Variants in ASIC2 observed in about 807,000 individuals in gnomAD.
ASIC2 encodes the protein acid-sensing ion channel 2.
A neutral mutation model predicts 57.3 loss-of-function variants in ASIC2; 25 were observed. The ratio of observed to expected loss-of-function variants is 0.44; its 90% CI spans 0.32 to 0.61. ASIC2 has a LOEUF of 0.61. Ranked by LOEUF, ASIC2 falls within the 20% of genes least tolerant of loss-of-function variation. ASIC2 has a pLI of 0.06. For synonymous variants in ASIC2, 319 were observed against 307.5 expected, an observed-to-expected ratio of 1.04 and a Z score of -0.39; for missense variants, 641 against 738.1, an observed-to-expected ratio of 0.87 and a Z score of 1.52.
chr17:33,302,514 A>AG (rs1191171893), intron 1 of ASIC2, among the ~76,000 whole-genome samples: 2 of 152,068 alleles, frequency 1.3e-5, no homozygotes, highest in African/African-American at 2.4e-5. Flanking sequence ...AGTGGCTTAG[A>AG]GATTTAAGGC....
chr17:33,406,639 G>C (rs749720475), intron 1 of ASIC2, among the ~76,000 whole-genome samples: 1 of 152,238 alleles, frequency 6.6e-6, no homozygotes, highest in Admixed American at 6.5e-5. Context: ...GGATTAAATA[G>C]ATTAAAATGT....
intron 1 of ASIC2, among the ~76,000 whole-genome samples, chr17:33,878,304 T>A (rs2141937380): frequency 6.6e-6 from 1 of 152,218 alleles, no homozygotes; most frequent in African/African-American, 2.4e-5. Context: ...ATGATCAAAC[T>A]ACTCTGAGCT....
At chr17:33,589,054 A>G (rs1332288501) in intron 1 of ASIC2, among the ~76,000 whole-genome samples, 1 of 152,260 alleles carries the variant, frequency 6.6e-6, no homozygotes, top group Non-Finnish European at 1.5e-5. Context: ...ATAAACATAT[A>G]CTATACATTT....
chr17:33,579,773 C>G (rs1041678409), intron 1 of ASIC2, among the ~76,000 whole-genome samples: 4 of 152,150 alleles, frequency 2.6e-5, no homozygotes, highest in South Asian at 4.1e-4. Context: ...TTCAGAAGAG[C>G]AAAAGAACAA....
At chr17:33,642,713 GA>G (rs1740760893) in intron 1 of ASIC2, among the ~76,000 whole-genome samples, 1 of 152,140 alleles carries the variant, frequency 6.6e-6, no homozygotes, top group Admixed American at 6.5e-5. Context: ...TATTGCCTGG[GA>G]AATATCAACT....
chr17:33,191,771 A>G (rs781241149), intron 1 of ASIC2, among the ~76,000 whole-genome samples: 9 of 152,162 alleles, frequency 5.9e-5, no homozygotes, highest in Admixed American at 5.9e-4. Flanking sequence ...CCTTGTTCAC[A>G]TTGGTAGGAA....
intron 1 of ASIC2, among the ~76,000 whole-genome samples, chr17:33,697,902 G>A (rs1269950882): frequency 6.6e-6 from 1 of 152,224 alleles, no homozygotes; most frequent in Non-Finnish European, 1.5e-5. Flanking sequence ...AACTTTTGCA[G>A]TGAGTGTCTT....
chr17:33,951,824 C>T (rs1267820510), intron 1 of ASIC2, among the ~76,000 whole-genome samples: 1 of 151,376 alleles, frequency 6.6e-6, no homozygotes, highest in African/African-American at 2.4e-5. Context: ...GAACTCCTGA[C>T]CTTAAGTTAT....
rs1298062829 is a variant in ASIC2 at position 33,839,062 on chromosome 17, C to T, written c.555+316916G>A. Among the ~76,000 whole-genome samples, 3 of 152,282 alleles carry T rather than the reference C, an allele frequency of 2.0e-5. No homozygotes were observed. The South Asian group carries it at 6.2e-4, about 32-fold the overall frequency. On this transcript the variant is annotated intron_variant, in intron 1 of 9. Transcript: ENST00000359872. ...GCACCACACTTTAAAGAATAAGATG[C>T]AATTGATTCTGTATAAGTTCCTTGA...
chr17:33,646,376 T>C (rs925801163), intron 1 of ASIC2, among the ~76,000 whole-genome samples: 5 of 152,190 alleles, frequency 3.3e-5, no homozygotes, highest in South Asian at 2.1e-4. Context: ...GTTCCACTGA[T>C]TGGCCAGATC....
chr17:33,226,320 T>C (rs1257407913), intron 1 of ASIC2, among the ~76,000 whole-genome samples: 1 of 152,220 alleles, frequency 6.6e-6, no homozygotes, highest in Non-Finnish European at 1.5e-5. Context: ...AGAAGTACTA[T>C]ACACTAACTC....
intron 1 of ASIC2, among the ~76,000 whole-genome samples, chr17:33,850,764 T>C (rs1461913444): frequency 6.6e-6 from 1 of 152,134 alleles, no homozygotes; most frequent in Admixed American, 6.5e-5. Context: ...GGCATCCAGA[T>C]CTGCCCTGGC....
chr17:33,201,254 G>A lies in ASIC2; in HGVS notation c.709-89187C>T, dbSNP rs186561631. ...GTCCTCTGTTCCTACAGCAGTGCTCGATCCACAGTAGGTGGTCCATTAAAC... is the reference window on the plus strand; with the variant it reads ...GTCCTCTGTTCCTACAGCAGTGCTCAATCCACAGTAGGTGGTCCATTAAAC... On this transcript the variant is annotated intron_variant, in intron 1 of 9. Transcript: ENST00000225823. Among the ~76,000 whole-genome samples the A allele has an allele frequency of 6.9e-4, 105 of 152,254 alleles. 1 individual carries two copies. The highest frequency in any genetic ancestry group is 2.4e-3 in the African/African-American group (101 of 41,542).
intron 1 of ASIC2, among the ~76,000 whole-genome samples, chr17:33,841,296 G>T (rs1010094509): frequency 6.6e-6 from 1 of 152,246 alleles, no homozygotes; most frequent in South Asian, 2.1e-4. Context: ...AGAATTGCTG[G>T]TTGTTTTGGG....
At chr17:33,284,112 C>A (rs1905060579) in intron 1 of ASIC2, among the ~76,000 whole-genome samples, 1 of 152,146 alleles carries the variant, frequency 6.6e-6, no homozygotes, top group South Asian at 2.1e-4. Context: ...TCGGAGGAAA[C>A]AATTTACAAG....
chr17:33,080,234 G>A (rs1036733643), intron 3 of ASIC2, among the ~76,000 whole-genome samples: 35 of 152,128 alleles, frequency 2.3e-4, no homozygotes, highest in African/African-American at 8.2e-4. Flanking sequence ...CCAGGCAGGA[G>A]TGAAGAGGAG....
intron 1 of ASIC2, among the ~76,000 whole-genome samples, chr17:33,383,307 C>CCTGGGT (rs1909557757): frequency 6.6e-6 from 1 of 152,120 alleles, no homozygotes. Flanking sequence ...TGCCTTTGTG[C>CCTGGGT]CTGGGTGTCT....
chr17:33,242,628 C>T (rs412242), intron 1 of ASIC2, among the ~76,000 whole-genome samples: 14,748 of 152,214 alleles, frequency 0.097, 736 homozygotes, highest in Middle Eastern at 0.16. Context: ...ACATAAGAGC[C>T]TTAAGCCCTT....
At chr17:34,115,513 G>A (rs1006084532) in intron 1 of ASIC2, among the ~76,000 whole-genome samples, 2 of 152,168 alleles carry the variant, frequency 1.3e-5, no homozygotes, top group Admixed American at 6.5e-5. Context: ...CTCAACAGAT[G>A]TTGAAGAGAT....
Sources: allele counts gnomAD v4.1 joint callset (sites outside exome capture counted in the v4.1 genomes callset), GRCh38; gene constraint gnomAD v4.1.1; transcripts MANE v1.5; gene names NCBI Gene and HGNC (gene_info 2026-07-23, HGNC 2026-07-21).